Variants in TTC29 observed in about 807,000 individuals in gnomAD.
TTC29 encodes tetratricopeptide repeat domain 29, also known as tetratricopeptide repeat protein 29.
In TTC29, 49 loss-of-function variants were observed where a neutral mutation model predicts 58.1. That is an observed-to-expected ratio of 0.84 (90% confidence interval 0.67 to 1.07). The LOEUF (loss-of-function observed/expected upper bound fraction) is 1.07. TTC29 is among the 50% of genes least tolerant of loss of function. The pLI is 0.00. For missense variants in TTC29, 582 were observed against 555.6 expected, an observed-to-expected ratio of 1.05 and a Z score of -0.48; for synonymous variants, 209 against 196.8, an observed-to-expected ratio of 1.06 and a Z score of -0.52.
At chr4:146,782,186 T>C (rs765848563) in intron 11 of TTC29, among the ~76,000 whole-genome samples, 30 of 151,874 alleles carry the variant, frequency 2.0e-4, no homozygotes, top group Non-Finnish European at 3.7e-4. Flanking sequence ...ACACTTAAAC[T>C]TCTACTCATT....
intron 11 of TTC29, among the ~76,000 whole-genome samples, chr4:146,785,611 C>T (rs910860710): frequency 4.6e-5 from 7 of 151,662 alleles, no homozygotes; most frequent in Non-Finnish European, 1.0e-4. Context: ...AGAGAACCTT[C>T]TTTTCCCCCA....
chr4:146,885,913 A>G (rs907999065), intron 6 of TTC29, among the ~76,000 whole-genome samples: 2 of 151,844 alleles, frequency 1.3e-5, no homozygotes, highest in Non-Finnish European at 2.9e-5. Flanking sequence ...ATTCAATTTG[A>G]TTTTTAGGAA....
intron 8 of TTC29, among the ~76,000 whole-genome samples, chr4:146,862,745 T>C (rs549513485): frequency 6.6e-6 from 1 of 152,302 alleles, no homozygotes; most frequent in South Asian, 2.1e-4. Context: ...TACTGGATGA[T>C]AGCAGTGAGC....
chr4:146,908,108 A>G (rs536316664), intron 5 of TTC29, among the ~76,000 whole-genome samples: 66 of 152,142 alleles, frequency 4.3e-4, no homozygotes, highest in African/African-American at 1.5e-3. Flanking sequence ...GACTCCATAA[A>G]TTTTCTCCAT....
intron 11 of TTC29, among the ~76,000 whole-genome samples, chr4:146,785,984 TACACACACACACACAC>T (rs149100538): frequency 6.7e-6 from 1 of 149,302 alleles, no homozygotes; most frequent in Admixed American, 6.7e-5. Flanking sequence ...TATATATGTG[TACACACACACACACAC>T]ACACACACAC....
chr4:146,896,170 T>C (rs374695565), intron 6 of TTC29, among the ~76,000 whole-genome samples: 62 of 152,284 alleles, frequency 4.1e-4, no homozygotes, highest in African/African-American at 1.5e-3. Context: ...TTGACTTATC[T>C]TTTGTTGGGC....
At position 146,719,284 on chromosome 4, in the gene TTC29, T is replaced by TA. The variant is rs986195791; in HGVS notation, c.1331-11734dup. 2.6e-5 allele frequency among the ~76,000 whole-genome samples: 4 copies of TA among 152,084 alleles called. No individual in the cohort carries two copies. The East Asian group carries it at 7.8e-4, about 29-fold the overall frequency. On this transcript the variant is annotated intron_variant, in intron 11 of 12. Transcript: ENST00000325106. ...CTTTTCTATTTATGAAAAATGACGT[T>TA]AAATCTCTCAACTACCCTATGCTTT...
chr4:146,825,315 T>C (rs754051877), intron 9 of TTC29, among the ~76,000 whole-genome samples: 2 of 152,196 alleles, frequency 1.3e-5, no homozygotes. Context: ...TTGCTCTCAT[T>C]GGTTTCAAAG....
intron 8 of TTC29, among the ~76,000 whole-genome samples, chr4:146,853,328 T>A (rs553600068): frequency 4.8e-4 from 73 of 152,244 alleles, no homozygotes; most frequent in Middle Eastern, 3.4e-3. Context: ...ATGCACTACA[T>A]ATATATGTAT....
At chr4:146,734,443 C>G (rs1744573504) in intron 11 of TTC29, among the ~76,000 whole-genome samples, 1 of 152,036 alleles carries the variant, frequency 6.6e-6, no homozygotes. Flanking sequence ...TAAGTGTTTC[C>G]CTGAGTTCTG....
chr4:146,813,401 G>A (rs1312959292), intron 10 of TTC29, among the ~76,000 whole-genome samples: 2 of 152,166 alleles, frequency 1.3e-5, no homozygotes, highest in Non-Finnish European at 2.9e-5. Context: ...CCGGAGGGTA[G>A]GATGAGTGGT....
At chr4:146,803,270 C>T (rs1488408282) in intron 11 of TTC29, among the ~76,000 whole-genome samples, 187 bp downstream of exon 11, 2 of 151,902 alleles carry the variant, frequency 1.3e-5, no homozygotes, top group East Asian at 1.9e-4. Context: ...TTTTATGCTT[C>T]TCTTAAACAT....
chr4:146,925,556 T>C (rs1213110343), intron 4 of TTC29, among the ~76,000 whole-genome samples: 2 of 152,148 alleles, frequency 1.3e-5, no homozygotes, highest in Non-Finnish European at 2.9e-5. Flanking sequence ...TGTACTTCTG[T>C]GTGGCCATTT....
At chr4:146,855,240 C>T (rs1729765891) in intron 8 of TTC29, among the ~76,000 whole-genome samples, 1 of 152,126 alleles carries the variant, frequency 6.6e-6, no homozygotes. Context: ...CAAGACCAGC[C>T]TGGCCAACAT....
At chr4:146,908,823 T>C (rs993486478) in intron 5 of TTC29, among the ~76,000 whole-genome samples, 1 of 152,242 alleles carries the variant, frequency 6.6e-6, no homozygotes, top group Non-Finnish European at 1.5e-5. Flanking sequence ...CGGAAGGACA[T>C]CACCAGAATG....
chr4:146,829,583 T>C (rs1728030324), intron 9 of TTC29, among the ~76,000 whole-genome samples: 2 of 152,208 alleles, frequency 1.3e-5, no homozygotes, highest in African/African-American at 4.8e-5. Context: ...TGGTCATTTT[T>C]AGGAAACTTC....
intron 10 of TTC29, among the ~76,000 whole-genome samples, chr4:146,819,012 G>A (rs890733862): frequency 2.0e-5 from 3 of 151,666 alleles, no homozygotes; most frequent in African/African-American, 4.8e-5. Context: ...GCTAAATGAC[G>A]AGTTAATGGG....
chr4:146,782,790 A>C (rs889251053), intron 11 of TTC29, among the ~76,000 whole-genome samples: 1 of 152,058 alleles, frequency 6.6e-6, no homozygotes, highest in African/African-American at 2.4e-5. Flanking sequence ...TTACTTTACT[A>C]TTGACTATTA....
At chr4:146,713,218 C>A (rs141191441) in intron 11 of TTC29, among the ~76,000 whole-genome samples, 1 of 151,542 alleles carries the variant, frequency 6.6e-6, no homozygotes, top group East Asian at 1.9e-4. Context: ...AACATTTAGT[C>A]ATGTGAAGTG....
Sources: allele counts gnomAD v4.1 joint callset (sites outside exome capture counted in the v4.1 genomes callset), GRCh38; gene constraint gnomAD v4.1.1; transcripts MANE v1.5; gene names NCBI Gene and HGNC (gene_info 2026-07-23, HGNC 2026-07-21).